ARHGEF7: variants seen among roughly 807,000 people sequenced by gnomAD.
ARHGEF7 encodes Rho guanine nucleotide exchange factor 7, also known as PAK-interacting exchange factor beta.
ARHGEF7 carries 33 observed loss-of-function variants against 109.8 expected under a neutral mutation model. That is an observed-to-expected ratio of 0.30 (90% CI 0.23 to 0.40). The LOEUF is 0.40. Ranked by LOEUF, ARHGEF7 falls within the 10% of genes least tolerant of loss-of-function variation. The pLI, the probability that ARHGEF7 is intolerant of heterozygous loss-of-function variation, is 1.00. For missense variants in ARHGEF7, 938 were observed against 1,098.5 expected (o/e 0.85, Z 2.07); for synonymous variants, 458 against 424.6 (o/e 1.08, Z -0.97).
intron 1 of ARHGEF7, among the ~76,000 whole-genome samples, chr13:111,121,620 T>G (rs1594794141): frequency 6.6e-6 from 1 of 152,012 alleles, no homozygotes; most frequent in African/African-American, 2.4e-5. Flanking sequence ...ACGAGGGAGG[T>G]GGCAGAGGCA....
intron 8 of ARHGEF7, among the ~76,000 whole-genome samples, chr13:111,260,177 A>G (rs770235026): frequency 2.0e-5 from 3 of 152,236 alleles, no homozygotes; most frequent in Non-Finnish European, 2.9e-5. Flanking sequence ...AAAGAGAGAC[A>G]TAGGGGTAGA....
chr13:111,300,510 GA>G (rs2093540141), intron 19 of ARHGEF7, among the ~76,000 whole-genome samples: 1 of 152,188 alleles, frequency 6.6e-6, no homozygotes, highest in African/African-American at 2.4e-5. Context: ...ATTCCGATTT[GA>G]AAAGGGCTAC....
At chr13:111,214,520 A>G (rs1300638537) in intron 4 of ARHGEF7, among the ~76,000 whole-genome samples, 7 of 152,256 alleles carry the variant, frequency 4.6e-5, no homozygotes, top group Non-Finnish European at 1.0e-4. Context: ...GGTCGCGATC[A>G]CAGCAGACAG....
chr13:111,275,509 C>T lies in ARHGEF7; in HGVS notation c.1273-23C>T, dbSNP rs778737854. 9 of 1,612,676 alleles carry T rather than the reference C, an allele frequency of 5.6e-6. No individual in the cohort carries two copies. The South Asian group carries it at 9.9e-5, about 18-fold the overall frequency. On this transcript the variant is annotated intron_variant, in intron 11 of 21. Transcript: ENST00000646102. ...CATTCTGAAAGTTTATGTCTGTTAA[C>T]AGTGTTGTTCTGTGTCTGTCAGGCC...
At chr13:111,153,401 A>C (rs2076006234) in intron 1 of ARHGEF7, among the ~76,000 whole-genome samples, 1 of 151,866 alleles carries the variant, frequency 6.6e-6, no homozygotes, top group Admixed American at 6.6e-5. Flanking sequence ...CCGAGCGCGG[A>C]GCCGGGCCTT....
intron 8 of ARHGEF7, among the ~76,000 whole-genome samples, chr13:111,257,335 TACAG>T (rs1448313624): frequency 6.6e-6 from 1 of 152,260 alleles, no homozygotes; most frequent in African/African-American, 2.4e-5. Flanking sequence ...TTCAATGTAT[TACAG>T]ACATCAGTAG....
At chr13:111,160,652 A>T (rs1319468500) in intron 2 of ARHGEF7, among the ~76,000 whole-genome samples, 3 of 152,110 alleles carry the variant, frequency 2.0e-5, no homozygotes, top group African/African-American at 7.2e-5. Context: ...ATTTCTACAA[A>T]GAAAAAAAAA....
intron 2 of ARHGEF7, among the ~76,000 whole-genome samples, chr13:111,175,252 T>C (rs1367849548): frequency 6.6e-6 from 1 of 151,976 alleles, no homozygotes; most frequent in Non-Finnish European, 1.5e-5. Context: ...AGCTCTAGAG[T>C]CAAGGCCCAC....
chr13:111,263,582 A>C (rs1380895283), intron 8 of ARHGEF7, among the ~76,000 whole-genome samples: 1 of 152,202 alleles, frequency 6.6e-6, no homozygotes, highest in Non-Finnish European at 1.5e-5. Flanking sequence ...TGTGGGTAGC[A>C]CATATCCAAT....
rs536824678 is a variant in ARHGEF7 at position 111,271,486 on chromosome 13, C to T, written c.1074-2328C>T. ...GACACCTTGCTGTGCAGGTGTTACC[C>T]ACAGCAGGCCCCTGAAGATGGCACT... On this transcript the variant is annotated intron_variant, in intron 9 of 21. Coordinates refer to ENST00000646102, the MANE Select transcript of ARHGEF7 (RefSeq NM_001354046.2). 2.0e-5 allele frequency among the ~76,000 whole-genome samples: 3 copies of T among 152,332 alleles called. No individual in the cohort carries two copies. The East Asian group carries it at 5.8e-4, about 29-fold the overall frequency.
At chr13:111,178,122 C>G (rs2078348560) in intron 2 of ARHGEF7, among the ~76,000 whole-genome samples, 1 of 152,182 alleles carries the variant, frequency 6.6e-6, no homozygotes, top group Non-Finnish European at 1.5e-5. Flanking sequence ...TTTCTATTTT[C>G]ATTTAAAAAT....
At chr13:111,130,300 C>T (rs1288321954) in intron 1 of ARHGEF7, among the ~76,000 whole-genome samples, 1 of 152,142 alleles carries the variant, frequency 6.6e-6, no homozygotes, top group Non-Finnish European at 1.5e-5. Context: ...TATGTCAAAA[C>T]TTATCAAAGT....
At chr13:111,199,885 A>G (rs1026672329) in intron 2 of ARHGEF7, among the ~76,000 whole-genome samples, 1 of 152,094 alleles carries the variant, frequency 6.6e-6, no homozygotes, top group Non-Finnish European at 1.5e-5. Context: ...TGACCTCCTG[A>G]TATGCCTGTT....
chr13:111,276,354 A>G (rs2092481292), intron 12 of ARHGEF7, among the ~76,000 whole-genome samples: 1 of 152,246 alleles, frequency 6.6e-6, no homozygotes, highest in African/African-American at 2.4e-5. Flanking sequence ...TAAGAAAACT[A>G]AAACTTCAAA....
At chr13:111,117,691 TTCTC>T (rs919988936) in intron 1 of ARHGEF7, among the ~76,000 whole-genome samples, 19 of 151,202 alleles carry the variant, frequency 1.3e-4, no homozygotes, top group Non-Finnish European at 2.4e-4. Context: ...CTTTCTTTCT[TTCTC>T]TCTCTCTCTC....
At chr13:111,282,768 A>G in intron 15 of ARHGEF7, 1 of 293,538 alleles carries the variant, frequency 3.4e-6, no homozygotes. Context: ...TTACAGCCAC[A>G]TGCCCTGTGT....
Position 111,273,930 on chromosome 13 carries a change from A to C in ARHGEF7, c.1190A>C (p.Lys397Thr). ...MRLDKYPTLL[K>T]ELERHMEDYH... ...CTGGATAAATACCCTACGCTGCTCAAAGAGCTCGAGAGACACATGGAGGTA... is the reference window on the plus strand; with the variant it reads ...CTGGATAAATACCCTACGCTGCTCACAGAGCTCGAGAGACACATGGAGGTA... The change falls in exon 10 of 22, where the codon AAA becomes ACA. Residue 397 changes from lysine (K) to threonine (T), a missense_variant. Transcript: ENST00000646102. This position sits in a 1 kb window ranked among gnomAD's most constrained non-coding sequence, Gnocchi z 4.5. 1 of 1,614,204 alleles carries C rather than the reference A, an allele frequency of 6.2e-7. No homozygotes were observed. The highest frequency in any genetic ancestry group is 8.5e-7 in the Non-Finnish European group (1 of 1,180,030).
Position 111,130,336 on chromosome 13 carries a change from T to C in ARHGEF7, c.165+14645T>C, listed in dbSNP as rs146312892. Among the ~76,000 whole-genome samples the C allele has an allele frequency of 3.6e-3, 547 of 152,304 alleles. 3 individuals are homozygous for C. Among genetic ancestry groups the C allele is most frequent in the Middle Eastern group, 0.027 (8 of 294 alleles). ...GCACAGTTTACATATGAGCAGTTTATTGCATGTCAGTGATACCTCAATACG... is the reference window on the plus strand; with the variant it reads ...GCACAGTTTACATATGAGCAGTTTACTGCATGTCAGTGATACCTCAATACG... On this transcript the variant is annotated intron_variant, in intron 1 of 21. Transcript: ENST00000646102.
intron 2 of ARHGEF7, among the ~76,000 whole-genome samples, chr13:111,166,791 TTCAGGGATGCGG>T (rs2077168383): frequency 6.6e-6 from 1 of 152,202 alleles, no homozygotes; most frequent in Non-Finnish European, 1.5e-5. Context: ...AGGTCTGGAC[TTCAGGGATGCGG>T]CCTGGGCTGG....
Sources: gnomAD v4.1 joint callset for allele counts (sites outside exome capture counted in the v4.1 genomes callset) on GRCh38, gnomAD v4.1.1 for gene constraint, Gnocchi (gnomAD v3.1) non-coding constraint, MANE v1.5 for transcripts, NCBI Gene and HGNC (gene_info 2026-07-23, HGNC 2026-07-21) for gene names.